Variants in CHD6 observed in about 807,000 individuals in gnomAD.
The protein encoded by CHD6 is ATP-dependent chromatin remodeler CHD6.
Under a neutral mutation model 276.9 loss-of-function variants are expected in CHD6, and 50 were observed. The observed-to-expected ratio is 0.18, with a 90% confidence interval of 0.14 to 0.23. The LOEUF is 0.23. Among genes scored for constraint, CHD6 ranks in the 10% least tolerant of loss-of-function variants. The pLI is 1.00. For missense variants in CHD6, 2,564 were observed against 3,365.8 expected, an observed-to-expected ratio of 0.76 and a Z score of 5.89; for synonymous variants, 1,173 against 1,229.3, an observed-to-expected ratio of 0.95 and a Z score of 0.96.
At chr20:41,612,373 G>A (rs1246127167) in intron 1 of CHD6, among the ~76,000 whole-genome samples, 1 of 152,010 alleles carries the variant, frequency 6.6e-6, no homozygotes, top group Non-Finnish European at 1.5e-5. Context: ...ACAACTCAAG[G>A]CAAAACTGTT....
At chr20:41,555,321 G>A (rs1282999169) in intron 1 of CHD6, among the ~76,000 whole-genome samples, 2 of 139,880 alleles carry the variant, frequency 1.4e-5, no homozygotes, top group Non-Finnish European at 3.1e-5. Context: ...GGGCAGAGGC[G>A]CCCCTCACCT....
chr20:41,602,855 A>C (rs543294331), intron 1 of CHD6, among the ~76,000 whole-genome samples: 24 of 152,064 alleles, frequency 1.6e-4, no homozygotes, highest in African/African-American at 4.8e-4. Flanking sequence ...CTAATTTTTA[A>C]AATATTTTGT....
At chr20:41,563,951 G>C in intron 1 of CHD6, 1 of 720,904 alleles carries the variant, frequency 1.4e-6, no homozygotes, top group Non-Finnish European at 2.5e-6. Context: ...GGTCTCACCA[G>C]TAACACAAGA....
Position 41,421,776 on chromosome 20 carries a change from C to G in CHD6, c.4859G>C (p.Arg1620Thr), listed in dbSNP as rs1013012745. 3 of 1,614,066 alleles carry G rather than the reference C, an allele frequency of 1.9e-6. No homozygotes were observed. Among genetic ancestry groups the G allele is most frequent in the Non-Finnish European group, 1.7e-6 (2 of 1,180,050 alleles). Residue 1620 changes from arginine (R) to threonine (T), a missense_variant, in exon 31 of 37, where the codon AGA (arginine) becomes ACA (threonine). Physicochemically the swap from Arg to Thr is moderately conservative, Grantham distance 71. Transcript: ENST00000373233. ...DAYRNYAQHK[R>T]SGTQAPGNLC... ...ATTTCCTGGTGCCTGGGTGCCAGAT[C>G]TTTTATGCTGGGCATAGTTTCTATA...
At position 41,498,226 on chromosome 20, in the gene CHD6, C is replaced by T. The variant is rs964196350; in HGVS notation, c.916G>A (p.Val306Ile). Residue 306 changes from valine to isoleucine, a missense_variant and splice_region_variant, in exon 7 of 37, where the codon GTT becomes ATT. Val to Ile is a conservative substitution (Grantham distance 29). Coordinates refer to ENST00000373233, the MANE Select transcript of CHD6 (RefSeq NM_032221.5). ...KILASKTVQE[V>I]HPGEPPFDLE... ...TCGAACGGAGGTTCTCCTGGGTGAA[C>T]CTGTAACAAACAGCAAGCAGTTATC... 2 of 1,609,654 alleles carry T rather than the reference C, an allele frequency of 1.2e-6. No individual in the cohort carries two copies. Among genetic ancestry groups the T allele is most frequent in the African/African-American group, 2.7e-5 (2 of 74,694 alleles).
intron 17 of CHD6, among the ~76,000 whole-genome samples, chr20:41,458,206 G>A (rs1334234049): frequency 6.6e-6 from 1 of 152,214 alleles, no homozygotes; most frequent in Non-Finnish European, 1.5e-5. Context: ...GCCTAGATCT[G>A]TTAATTCATC....
At chr20:41,515,914 T>C (rs2044239254) in intron 3 of CHD6, among the ~76,000 whole-genome samples, 2 of 152,232 alleles carry the variant, frequency 1.3e-5, no homozygotes. Flanking sequence ...AAACTGCTTT[T>C]TAAGCAATGG....
intron 8 of CHD6, among the ~76,000 whole-genome samples, chr20:41,494,710 C>T (rs1273064786): frequency 6.6e-6 from 1 of 152,180 alleles, no homozygotes. Flanking sequence ...CTGAAGAGCT[C>T]TTACTGCCAC....
At chr20:41,476,780 A>G (rs2043176766) in intron 16 of CHD6, among the ~76,000 whole-genome samples, 1 of 151,998 alleles carries the variant, frequency 6.6e-6, no homozygotes, top group Non-Finnish European at 1.5e-5. Flanking sequence ...CAAAGATGTC[A>G]GTCTAAAAAA....
chr20:41,519,170 C>T (rs1159695482), intron 3 of CHD6, among the ~76,000 whole-genome samples: 1 of 152,176 alleles, frequency 6.6e-6, no homozygotes, highest in African/African-American at 2.4e-5. Flanking sequence ...GTGGTCCCCG[C>T]TACTTGGGAG....
At chr20:41,551,494 C>T (rs923979810) in intron 1 of CHD6, 134 bp from the exon 2 acceptor site, 2 of 558,482 alleles carry the variant, frequency 3.6e-6, no homozygotes, top group Non-Finnish European at 6.3e-6. Context: ...TGTCCAACAA[C>T]CTCCAGAGCC....
chr20:41,502,538 T>A (rs567407225), intron 5 of CHD6, among the ~76,000 whole-genome samples: 125 of 152,354 alleles, frequency 8.2e-4, no homozygotes, highest in African/African-American at 2.9e-3. Flanking sequence ...TCTTCACTCC[T>A]ACAGCTTGAT....
rs753153326 is a variant in CHD6 at position 41,487,616 on chromosome 20, T to C, written c.2001+49A>G. 18 of 1,544,500 alleles carry C rather than the reference T, an allele frequency of 1.2e-5. No individual in the cohort carries two copies. The South Asian group carries it at 1.7e-4, about 15-fold the overall frequency. ...CCATAGCATCCTGCTCTTTTCTTGA[T>C]GAAGATAACGATCACACTGTCTCCT... is the stretch of plus-strand genomic sequence containing the variant. On this transcript the variant is annotated intron_variant, in intron 14 of 36. Transcript: ENST00000373233.
At chr20:41,456,557 A>T (rs1569098777) in intron 18 of CHD6, among the ~76,000 whole-genome samples, 1 of 151,996 alleles carries the variant, frequency 6.6e-6, no homozygotes, top group Non-Finnish European at 1.5e-5. Flanking sequence ...GAATTCCATG[A>T]CTCTCTGCAT....
Position 41,514,824 on chromosome 20 carries a change from G to T in CHD6, c.683C>A (p.Thr228Asn). ...NPSLRSPEES[T>N]ESTDSQKRRS... is the part of the protein sequence containing the mutation. The stretch of plus-strand genomic sequence containing the variant: ...CTGTACCTGGCTGTCTGTAGACTCA[G>T]TGGACTCCTCAGGACTCCGCAGAGA... Residue 228 changes from threonine (T) to asparagine (N), a missense_variant, in exon 4 of 37, where the codon ACT becomes AAT. Around this residue, in one of 7 missense-constraint regions of CHD6, gnomAD observed 286 missense variants for 297.8 expected, o/e 0.96. Transcript: ENST00000373233. 6.2e-7 allele frequency: 1 copy of T among 1,613,984 alleles called. No homozygotes were observed. Among genetic ancestry groups the T allele is most frequent in the Non-Finnish European group, 8.5e-7 (1 of 1,179,928 alleles).
intron 17 of CHD6, among the ~76,000 whole-genome samples, chr20:41,462,543 C>T (rs1239981846): frequency 6.6e-6 from 1 of 151,898 alleles, no homozygotes; most frequent in African/African-American, 2.4e-5. Flanking sequence ...GTAAAGATAC[C>T]GGGGGTAGCA....
intron 1 of CHD6, among the ~76,000 whole-genome samples, chr20:41,596,860 A>G (rs966410679): frequency 6.6e-6 from 1 of 152,184 alleles, no homozygotes; most frequent in South Asian, 2.1e-4. Flanking sequence ...AGAGAACTGG[A>G]AATGGAAAGA....
intron 1 of CHD6, among the ~76,000 whole-genome samples, chr20:41,576,065 TC>T (rs201896300): frequency 4.7e-4 from 71 of 152,260 alleles, no homozygotes; most frequent in Middle Eastern, 3.4e-3. Context: ...AAAAATTAAT[TC>T]TTTTTTTTTC....
intron 14 of CHD6, among the ~76,000 whole-genome samples, chr20:41,486,964 T>C (rs183939418): frequency 4.1e-4 from 62 of 152,316 alleles, no homozygotes; most frequent in African/African-American, 1.5e-3. Flanking sequence ...TTTCTAATTC[T>C]CAAATAGATG....
Sources: gnomAD v4.1 joint callset for allele counts (sites outside exome capture counted in the v4.1 genomes callset) on GRCh38, gnomAD v4.1.1 for gene constraint, gnomAD v4.1.1 regional missense constraint, MANE v1.5 for transcripts, NCBI Gene and HGNC (gene_info 2026-07-23, HGNC 2026-07-21) for gene names.